KATNIP: variants seen among roughly 807,000 people sequenced by gnomAD.
KATNIP encodes the protein katanin-interacting protein.
A neutral mutation model predicts 174.0 loss-of-function variants in KATNIP; 126 were observed. The observed-to-expected ratio is 0.72, with a 90% CI of 0.63 to 0.84. KATNIP has a LOEUF of 0.84. Among genes scored for constraint, KATNIP ranks in the 40% least tolerant of loss-of-function variants. The probability of loss-of-function intolerance (pLI) is 0.00; values close to 1 mark genes in which losing one functional copy is unlikely to be tolerated. For missense variants in KATNIP, 1,958 were observed against 2,109.7 expected, an observed-to-expected ratio of 0.93 and a Z score of 1.41; for synonymous variants, 810 against 835.7, an observed-to-expected ratio of 0.97 and a Z score of 0.53.
At position 27,572,085 on chromosome 16, in the gene KATNIP, A is replaced by T. The variant is rs144481494; in HGVS notation, c.8-1816A>T. On this transcript the variant is annotated intron_variant, in intron 1 of 27. Transcript: ENST00000261588. ...AGCAGAAATTACAGAGAGCTCCCATATACCCCTGTCCCCACATACATCTCC... is the reference window on the plus strand; with the variant it reads ...AGCAGAAATTACAGAGAGCTCCCATTTACCCCTGTCCCCACATACATCTCC... Among the ~76,000 whole-genome samples, 829 of 151,906 alleles carry T rather than the reference A, an allele frequency of 5.5e-3. 14 individuals are homozygous for T. The highest frequency in any genetic ancestry group is 0.019 in the African/African-American group (792 of 41,410).
intron 6 of KATNIP, among the ~76,000 whole-genome samples, chr16:27,650,302 G>A (rs2077082252): frequency 6.6e-6 from 1 of 152,234 alleles, no homozygotes; most frequent in Non-Finnish European, 1.5e-5. Context: ...TGAACAAGGG[G>A]GATAAAGAAT....
At chr16:27,654,705 A>T (rs1173484863) in intron 6 of KATNIP, 1 of 1,351,924 alleles carries the variant, frequency 7.4e-7, no homozygotes, top group Non-Finnish European at 9.8e-7. Context: ...GTGGACAAAG[A>T]AAGGATCCTC....
chr16:27,740,213 A>G lies in KATNIP; in HGVS notation c.1916A>G (p.Glu639Gly), dbSNP rs2081051516. The G allele has an allele frequency of 6.2e-7, 1 of 1,614,122 alleles. No homozygotes were observed. Among genetic ancestry groups the G allele is most frequent in the South Asian group, 1.1e-5 (1 of 91,080 alleles). ...GAGGCCATGAACGCTCACTCGGAAG[A>G]AAGCAAAGGCACCCATGAGATGGCT... ...LEEAMNAHSE[E>G]SKGTHEMAGA... The change falls in exon 15 of 28, where the codon GAA (glutamate) becomes GGA (glycine). Residue 639 changes from glutamate to glycine, a missense_variant. Coordinates refer to ENST00000261588, the MANE Select transcript of KATNIP (RefSeq NM_015202.5).
chr16:27,690,375 A>C (rs963029443), intron 8 of KATNIP, among the ~76,000 whole-genome samples: 6 of 135,010 alleles, frequency 4.4e-5, no homozygotes, highest in African/African-American at 1.6e-4. Context: ...ATAGATAGAT[A>C]GATAGATAGA....
intron 3 of KATNIP, among the ~76,000 whole-genome samples, chr16:27,623,967 C>T (rs1004429871): frequency 2.0e-5 from 3 of 151,992 alleles, no homozygotes; most frequent in Admixed American, 1.3e-4. Context: ...GTCCCTAAAC[C>T]TCCCTGGGGT....
chr16:27,771,814 C>T (rs748008991), intron 22 of KATNIP, among the ~76,000 whole-genome samples, 162 bp downstream of exon 22: 3 of 152,154 alleles, frequency 2.0e-5, no homozygotes, highest in Admixed American at 6.5e-5. Context: ...TCCTCAGGGC[C>T]ACTAGGAGCT....
chr16:27,616,208 C>T (rs1333994834), intron 2 of KATNIP, among the ~76,000 whole-genome samples: 1 of 151,992 alleles, frequency 6.6e-6, no homozygotes, highest in African/African-American at 2.4e-5. Flanking sequence ...CCTGTCTCTA[C>T]TAAAAATATA....
At position 27,628,506 on chromosome 16, in the gene KATNIP, C is replaced by T. The variant is rs75457435; in HGVS notation, c.141-155C>T. ...TTCTCTAAGTGGGTAATGGGCCTGTCAGAGGCTGTTTGTAGACAAACAGCT... is the reference window on the plus strand; with the variant it reads ...TTCTCTAAGTGGGTAATGGGCCTGTTAGAGGCTGTTTGTAGACAAACAGCT... On this transcript the variant is annotated intron_variant, in intron 3 of 27. Coordinates refer to ENST00000261588, the MANE Select transcript of KATNIP (RefSeq NM_015202.5). 4,838 of 768,816 alleles carry T rather than the reference C, an allele frequency of 6.3e-3. 188 individuals are homozygous for T. The African/African-American group carries it at 0.077, about 12-fold the overall frequency. The allele number at this position is 768,816 out of a possible 1,614,324, so 47.6% of individuals were successfully genotyped here.
intron 12 of KATNIP, among the ~76,000 whole-genome samples, chr16:27,707,292 G>A (rs923940665): frequency 1.3e-5 from 2 of 152,196 alleles, no homozygotes; most frequent in East Asian, 1.9e-4. Context: ...GATCCGTGGC[G>A]ACCAGTGCTG....
At chr16:27,768,940 G>A (rs2082208447) in intron 20 of KATNIP, among the ~76,000 whole-genome samples, 1 of 152,248 alleles carries the variant, frequency 6.6e-6, no homozygotes, top group Non-Finnish European at 1.5e-5. Context: ...GGGCTAAGGT[G>A]TCGAGGAGAA....
intron 13 of KATNIP, among the ~76,000 whole-genome samples, 168 bp from the exon 14 acceptor site, chr16:27,721,390 G>T (rs567597000): frequency 1.7e-3 from 254 of 152,278 alleles, no homozygotes; most frequent in Non-Finnish European, 3.0e-3. Context: ...TCCAGACGGG[G>T]TGATCTGAGT....
At chr16:27,746,206 A>G (rs1597361590) in intron 15 of KATNIP, among the ~76,000 whole-genome samples, 1 of 152,242 alleles carries the variant, frequency 6.6e-6, no homozygotes, top group Non-Finnish European at 1.5e-5. Context: ...GAATGAAAGC[A>G]AAGTCCCTGC....
chr16:27,711,718 A>T (rs969945751), intron 13 of KATNIP, among the ~76,000 whole-genome samples: 2 of 152,198 alleles, frequency 1.3e-5, no homozygotes, highest in African/African-American at 4.8e-5. Flanking sequence ...TAAAAACAAA[A>T]ATTAAGAAAT....
chr16:27,711,224 G>T (rs1388579445), intron 13 of KATNIP, among the ~76,000 whole-genome samples: 1 of 152,148 alleles, frequency 6.6e-6, no homozygotes, highest in Non-Finnish European at 1.5e-5. Context: ...TTTTGGGGGT[G>T]GGAGATGAAC....
chr16:27,576,609 C>T (rs2090505670), intron 2 of KATNIP, among the ~76,000 whole-genome samples: 1 of 151,706 alleles, frequency 6.6e-6, no homozygotes, highest in Non-Finnish European at 1.5e-5. Flanking sequence ...AATCCCACCT[C>T]TACTAAAAAA....
intron 5 of KATNIP, among the ~76,000 whole-genome samples, chr16:27,634,886 C>T (rs1435980745): frequency 6.6e-6 from 1 of 152,106 alleles, no homozygotes; most frequent in Non-Finnish European, 1.5e-5. Flanking sequence ...GGCCGCCAAA[C>T]GAGGAGATGG....
At chr16:27,643,945 C>T (rs1276542004) in intron 5 of KATNIP, among the ~76,000 whole-genome samples, 1 of 151,230 alleles carries the variant, frequency 6.6e-6, no homozygotes, top group Non-Finnish European at 1.5e-5. Context: ...TTTTTTGCTG[C>T]TTCTAGGACC....
intron 14 of KATNIP, among the ~76,000 whole-genome samples, chr16:27,733,242 A>G (rs949608475): frequency 6.6e-6 from 1 of 152,044 alleles, no homozygotes; most frequent in African/African-American, 2.4e-5. Context: ...ATTGCAAGAG[A>G]CCTGCCATTC....
chr16:27,681,567 G>T (rs2078343004), intron 8 of KATNIP, 37 bp downstream of exon 8: 1 of 1,612,958 alleles, frequency 6.2e-7, no homozygotes, highest in Admixed American at 1.7e-5. Flanking sequence ...GGGGAGCAGG[G>T]CTGCGACTGG....
Sources: gnomAD v4.1 joint callset for allele counts (sites outside exome capture counted in the v4.1 genomes callset) on GRCh38, gnomAD v4.1.1 for gene constraint, MANE v1.5 for transcripts, NCBI Gene and HGNC (gene_info 2026-07-23, HGNC 2026-07-21) for gene names.